DOK7: variants seen among roughly 807,000 people sequenced by gnomAD.
DOK7 encodes the protein protein Dok-7.
Under a neutral mutation model 30.7 loss-of-function variants are expected in DOK7, and 32 were observed. That is an observed-to-expected ratio of 1.04 (90% CI 0.79 to 1.40). DOK7 has a LOEUF of 1.40. DOK7 is among the 40% of genes most tolerant of loss of function. The pLI is 0.00. For missense variants in DOK7, 1,007 were observed against 699.2 expected (o/e 1.44, Z -4.97); for synonymous variants, 447 against 324.1 (o/e 1.38, Z -4.07).
At chr4:3,487,502 G>A (rs114692658) in intron 5 of DOK7, among the ~76,000 whole-genome samples, 399 of 152,318 alleles carry the variant, frequency 2.6e-3, no homozygotes, top group African/African-American at 8.9e-3. Flanking sequence ...TTGGTCTTCC[G>A]CATGTGGACA....
In DOK7 at chr4:3,489,794, G is replaced by T. The variant is rs1172471433; in HGVS notation, c.770G>T (p.Gly257Val). 1 of 1,573,524 alleles carries T rather than the reference G, an allele frequency of 6.4e-7. No individual in the cohort carries two copies. Among genetic ancestry groups the T allele is most frequent in the African/African-American group, 1.3e-5 (1 of 74,248 alleles). Reference protein sequence around the residue: ...LLSHAGRPGSGGDDRSLSSSS... With the variant: ...LLSHAGRPGSVGDDRSLSSSS... ...TCACATGCGGGCAGGCCGGGCAGTG[G>T]AGGTAGGGCCGGGGGCTGACCTGGG... is the stretch of plus-strand genomic sequence containing the variant. Residue 257 changes from glycine to valine, a missense_variant and splice_region_variant, in exon 6 of 7, where the codon GGA (glycine) becomes GTA (valine). Coordinates refer to ENST00000340083, the MANE Select transcript of DOK7 (RefSeq NM_173660.5).
intron 4 of DOK7, among the ~76,000 whole-genome samples, chr4:3,479,412 A>T (rs1030846572): frequency 2.6e-5 from 4 of 152,226 alleles, no homozygotes; most frequent in African/African-American, 9.6e-5. Context: ...GGCCACTGGG[A>T]CGGAGAAATA....
intron 6 of DOK7, among the ~76,000 whole-genome samples, chr4:3,499,613 G>A (rs1729092218): frequency 2.0e-5 from 3 of 152,160 alleles, no homozygotes; most frequent in Non-Finnish European, 4.4e-5. Context: ...CCAATGGGGT[G>A]TGCAGACAGA....
At chr4:3,465,511 G>A (rs921784056) in intron 2 of DOK7, among the ~76,000 whole-genome samples, 1 of 152,368 alleles carries the variant, frequency 6.6e-6, no homozygotes, top group Admixed American at 6.5e-5. Context: ...GACAGGCAGG[G>A]TTCTTTTTGT....
intron 2 of DOK7, among the ~76,000 whole-genome samples, chr4:3,471,346 G>A (rs1045436926): frequency 2.0e-5 from 3 of 152,250 alleles, no homozygotes; most frequent in Non-Finnish European, 4.4e-5. Flanking sequence ...CATACAGCTG[G>A]GAGGTCAGAG....
chr4:3,487,394 C>T (rs1010099282), intron 5 of DOK7, among the ~76,000 whole-genome samples: 8 of 152,248 alleles, frequency 5.3e-5, no homozygotes, highest in Non-Finnish European at 8.8e-5. Flanking sequence ...TAGAGCCCTG[C>T]GGGCGGCATC....
rs1479640890 is a variant in DOK7, at chr4:3,479,064, C to T, written c.532+2522C>T. Among the ~76,000 whole-genome samples, 4 of 152,310 alleles carry T rather than the reference C, an allele frequency of 2.6e-5. No individual in the cohort carries two copies. In the East Asian group the frequency reaches 7.7e-4, roughly 29 times the overall value. On this transcript the variant is annotated intron_variant, in intron 4 of 6. Coordinates refer to ENST00000340083, the MANE Select transcript of DOK7 (RefSeq NM_173660.5). ...GCCAAGTGTCCAGAACGGGTTCCTTCTGCAGCCTGGAGGCCAGAAACCCCA... is the reference window on the plus strand; with the variant it reads ...GCCAAGTGTCCAGAACGGGTTCCTTTTGCAGCCTGGAGGCCAGAAACCCCA...
chr4:3,483,552 C>T (rs1252639766), intron 4 of DOK7, among the ~76,000 whole-genome samples: 1 of 152,176 alleles, frequency 6.6e-6, no homozygotes, highest in Non-Finnish European at 1.5e-5. Flanking sequence ...TGGCGGTGGG[C>T]TGTGCTCCAG....
At chr4:3,484,670 G>C in intron 4 of DOK7, 1 of 985,574 alleles carries the variant, frequency 1.0e-6, no homozygotes, top group Admixed American at 6.1e-5. Context: ...CTGGTCCCTG[G>C]GGGCCCTCCT....
chr4:3,486,654 G>A lies in DOK7; in HGVS notation c.652+996G>A, dbSNP rs531568086. ...TCCCCGCTGCCCTGCCATGCTGGAT[G>A]GTGCAGCTGCACCCCTGTAGGTGTC... On this transcript the variant is annotated intron_variant, in intron 5 of 6. Transcript: ENST00000340083. Among the ~76,000 whole-genome samples, 139 of 152,196 alleles carry A rather than the reference G, an allele frequency of 9.1e-4. 1 individual carries two copies. The highest frequency in any genetic ancestry group is 3.2e-3 in the African/African-American group (133 of 41,506).
downstream of DOK7, chr4:3,494,604 G>A (rs745334762): frequency 3.0e-5 from 26 of 854,012 alleles, no homozygotes; most frequent in South Asian, 5.4e-5. Context: ...CAGAGAGTGC[G>A]AGAGGCCTCA....
At chr4:3,495,454 T>C (rs1728854017), downstream of DOK7, among the ~76,000 whole-genome samples, 1 of 152,214 alleles carries the variant, frequency 6.6e-6, no homozygotes. Flanking sequence ...TGGGGCCTCT[T>C]GCCTGGCGGG....
At chr4:3,491,336 T>G (rs1344275050) in intron 6 of DOK7, among the ~76,000 whole-genome samples, 4 of 135,684 alleles carry the variant, frequency 2.9e-5, no homozygotes, top group African/African-American at 1.1e-4. Flanking sequence ...ATTCATTCCT[T>G]CCTTCTTCGC....
At position 3,476,436 on chromosome 4, in the gene DOK7, G is replaced by A; in HGVS notation, c.426G>A (p.Arg142=). 6.2e-7 allele frequency: 1 copy of A among 1,613,610 alleles called. No homozygotes were observed. Among genetic ancestry groups the A allele is most frequent in the South Asian group, 1.1e-5 (1 of 91,060 alleles). ...GCAATGATGTCCTCGTCTTGGCCAG[G>A]GACATCCCCCCGGCTGTCACGGGGC... ...HLCNDVLVLA[R]DIPPAVTGQW... Residue 142 remains arginine (R), a synonymous_variant, in exon 4 of 7, where the codon AGG becomes AGA. Coordinates refer to ENST00000340083, the MANE Select transcript of DOK7 (RefSeq NM_173660.5).
At chr4:3,491,314 C>CCT (rs1295390859) in intron 6 of DOK7, among the ~76,000 whole-genome samples, 28 of 130,834 alleles carry the variant, frequency 2.1e-4, no homozygotes, top group African/African-American at 7.8e-4. Context: ...TTCCTGCCTT[C>CCT]TCCCCCTGCT....
At chr4:3,466,290 G>T (rs1375225783) in intron 2 of DOK7, among the ~76,000 whole-genome samples, 1 of 152,164 alleles carries the variant, frequency 6.6e-6, no homozygotes, top group Non-Finnish European at 1.5e-5. Flanking sequence ...CCTTGCTCTC[G>T]GTGGGACTGA....
Position 3,470,163 on chromosome 4 carries a change from T to C in DOK7, c.101-3243T>C, listed in dbSNP as rs151038661. Reference sequence around the variant, plus strand: ...CTGTTAGACACAGGTGTCCCTTGGCTGTGGCCTCAGCGCTCCAGTCCCTGC... The same window carrying C: ...CTGTTAGACACAGGTGTCCCTTGGCCGTGGCCTCAGCGCTCCAGTCCCTGC... On this transcript the variant is annotated intron_variant, in intron 2 of 6. Coordinates refer to ENST00000340083, the MANE Select transcript of DOK7 (RefSeq NM_173660.5). Among the ~76,000 whole-genome samples, 8 of 152,328 alleles carry C rather than the reference T, an allele frequency of 5.3e-5. No homozygotes were observed. The East Asian group carries it at 1.5e-3, about 29-fold the overall frequency.
At chr4:3,478,929 C>T (rs1426304192) in intron 4 of DOK7, among the ~76,000 whole-genome samples, 5 of 152,194 alleles carry the variant, frequency 3.3e-5, no homozygotes, top group South Asian at 2.1e-4. Context: ...GTCTGCGGCA[C>T]GTGTGGGCAG....
chr4:3,490,049 CATT>C (rs1560225521), intron 6 of DOK7, among the ~76,000 whole-genome samples: 2 of 142,390 alleles, frequency 1.4e-5, no homozygotes, highest in African/African-American at 2.6e-5. Context: ...TCCTCCTACT[CATT>C]AATTCCTTCC....
Sources: allele counts gnomAD v4.1 joint callset (sites outside exome capture counted in the v4.1 genomes callset), GRCh38; gene constraint gnomAD v4.1.1; transcripts MANE v1.5; gene names NCBI Gene and HGNC (gene_info 2026-07-23, HGNC 2026-07-21).